The following DERA variants were observed in gnomAD, a reference collection of about 807,000 sequenced individuals.
DERA encodes 2-deoxy-D-ribose 5-phosphate aldolase.
A neutral mutation model predicts 41.1 loss-of-function variants in DERA; 15 were observed. The observed-to-expected ratio is 0.37, with a 90% confidence interval of 0.24 to 0.56. The LOEUF (loss-of-function observed/expected upper bound fraction) is 0.56. DERA is among the 20% of genes least tolerant of loss of function. The probability of loss-of-function intolerance (pLI) is 0.81; values close to 1 mark genes in which losing one functional copy is unlikely to be tolerated. For synonymous variants in DERA, 139 were observed against 137.4 expected, an observed-to-expected ratio of 1.01 and a Z score of -0.08; for missense variants, 396 against 403.4, an observed-to-expected ratio of 0.98 and a Z score of 0.16.
Position 15,983,189 on chromosome 12 carries a change from A to AT in DERA, c.637+762dup, listed in dbSNP as rs553125212. ...ATCTGTTCTCCACACTGTCACCACA[A>AT]TTTTTTTTTAATGCTAATTTTATTA... On this transcript the variant is annotated intron_variant, in intron 6 of 8. Transcript: ENST00000428559. The surrounding 1 kb of genome is among the most constrained non-coding windows in gnomAD (Gnocchi z 6.2). Among the ~76,000 whole-genome samples, 3 of 151,316 alleles carry AT rather than the reference A, an allele frequency of 2.0e-5. No individual in the cohort carries two copies. Among genetic ancestry groups the AT allele is most frequent in the Admixed American group, 6.6e-5 (1 of 15,182 alleles).
At chr12:15,958,987 C>G (rs530759601) in intron 3 of DERA, among the ~76,000 whole-genome samples, 1 of 152,242 alleles carries the variant, frequency 6.6e-6, no homozygotes, top group African/African-American at 2.4e-5. Context: ...TTGTTACTTG[C>G]TGGGCTGGTT....
rs1180276528 is a variant in DERA, at chr12:16,001,922, G to T, written c.637+19486G>T. Among the ~76,000 whole-genome samples, 1 of 152,130 alleles carries T rather than the reference G, an allele frequency of 6.6e-6. No homozygotes were observed. Among genetic ancestry groups the T allele is most frequent in the Non-Finnish European group, 1.5e-5 (1 of 68,022 alleles). ...TTTCAGACAAAATACTGCTTTCTTT[G>T]CCTAATCAAGTAAAGTTAGGATAAT... is the stretch of plus-strand genomic sequence containing the variant. On this transcript the variant is annotated intron_variant, in intron 6 of 8. Coordinates refer to ENST00000428559, the MANE Select transcript of DERA (RefSeq NM_015954.4). This position sits in a 1 kb window ranked among gnomAD's most constrained non-coding sequence, Gnocchi z 4.1.
intron 6 of DERA, among the ~76,000 whole-genome samples, chr12:16,030,092 T>C (rs1565619303): frequency 8.5e-5 from 2 of 23,460 alleles, no homozygotes; most frequent in Non-Finnish European, 2.5e-4. Flanking sequence ...CCGGCTAATT[T>C]TTTTTTTTTT....
intron 6 of DERA, among the ~76,000 whole-genome samples, chr12:16,031,092 C>G (rs1949089470): frequency 6.6e-6 from 1 of 152,134 alleles, no homozygotes; most frequent in South Asian, 2.1e-4. Context: ...TACTATGAAG[C>G]AAGTGGGAAT....
At position 15,942,216 on chromosome 12, in the gene DERA, T is replaced by G. The variant is rs567786867; in HGVS notation, c.32-14720T>G. ...GCCCACTTTTAATGGGATTACTTGT[T>G]TTTTTCTTGCTGATTTGTTTGAGTT... On this transcript the variant is annotated intron_variant, in intron 1 of 8. Transcript: ENST00000428559. 4.6e-5 allele frequency among the ~76,000 whole-genome samples: 7 copies of G among 152,342 alleles called. No homozygotes were observed. In the South Asian group the frequency reaches 1.2e-3, roughly 27 times the overall value.
rs1948730185 is a variant in DERA, at chr12:15,981,163, A to G, written c.509-1145A>G. On this transcript the variant is annotated intron_variant, in intron 5 of 8. Transcript: ENST00000428559. This position sits in a 1 kb window ranked among gnomAD's most constrained non-coding sequence, Gnocchi z 6.1. ...GGAGATCGAGACCATCCTGGTTAAC[A>G]CGGTGAAACCCCGTCTCTACTAAAA... Among the ~76,000 whole-genome samples the G allele has an allele frequency of 6.6e-6, 1 of 152,132 alleles. No homozygotes were observed. The highest frequency in any genetic ancestry group is 1.5e-5 in the Non-Finnish European group (1 of 68,018).
rs1565621415 is a variant in DERA, at chr12:16,036,352, A to G, written c.871A>G (p.Ser291Gly). The G allele has an allele frequency of 6.2e-7, 1 of 1,611,616 alleles. No individual in the cohort carries two copies. Among genetic ancestry groups the G allele is most frequent in the East Asian group, 2.2e-5 (1 of 44,818 alleles). Residue 291 changes from serine (S) to glycine (G), a missense_variant, in exon 8 of 9, where the codon AGT becomes GGT. Transcript: ENST00000428559. The surrounding 1 kb of genome is among the most constrained non-coding windows in gnomAD (Gnocchi z 4.9). Reference sequence around the variant, plus strand: ...GCCAGAACTCTTTCGAATAGGTGCCAGTACTCTGCTCTCGGACATTGAGAG... The same window carrying G: ...GCCAGAACTCTTTCGAATAGGTGCCGGTACTCTGCTCTCGGACATTGAGAG... ...LKPELFRIGA[S>G]TLLSDIERQI...
In DERA at chr12:15,984,265, C is replaced by T. The variant is rs117271807; in HGVS notation, c.637+1829C>T. Among the ~76,000 whole-genome samples the T allele has an allele frequency of 1.3e-5, 2 of 152,244 alleles. No individual in the cohort carries two copies. The highest frequency in any genetic ancestry group is 2.9e-5 in the Non-Finnish European group (2 of 68,014). On this transcript the variant is annotated intron_variant, in intron 6 of 8. Transcript: ENST00000428559. The surrounding 1 kb of genome is among the most constrained non-coding windows in gnomAD (Gnocchi z 4.5). ...TTCTGGGAGGTCAGCCAACCCTGTC[C>T]TACGCACAGCACCTACTACTCATGA...
rs1370485414 is a variant in DERA, at chr12:15,935,063, G to A, written c.32-21873G>A. 6.6e-6 allele frequency among the ~76,000 whole-genome samples: 1 copy of A among 152,174 alleles called. No homozygotes were observed. Among genetic ancestry groups the A allele is most frequent in the Non-Finnish European group, 1.5e-5 (1 of 68,036 alleles). On this transcript the variant is annotated intron_variant, in intron 1 of 8. Transcript: ENST00000428559. The surrounding 1 kb of genome is among the most constrained non-coding windows in gnomAD (Gnocchi z 4.8). ...AGAGCTAACAAAACTCTTTGGAGGA[G>A]AGTTTGGAAAAACAATTGACAGACA...
Position 15,918,836 on chromosome 12 carries a change from G to C in DERA, c.31+7422G>C, listed in dbSNP as rs911031426. ...GTCCAGGGAGGGTTTTTTTGGAGAGGATGTTTCTGACGGAGTAGTTTCTAC... is the reference window on the plus strand; with the variant it reads ...GTCCAGGGAGGGTTTTTTTGGAGAGCATGTTTCTGACGGAGTAGTTTCTAC... On this transcript the variant is annotated intron_variant, in intron 1 of 8. Transcript: ENST00000428559. This position sits in a 1 kb window ranked among gnomAD's most constrained non-coding sequence, Gnocchi z 4.3. Among the ~76,000 whole-genome samples the C allele has an allele frequency of 1.3e-5, 2 of 152,138 alleles. No homozygotes were observed. The highest frequency in any genetic ancestry group is 4.8e-5 in the African/African-American group (2 of 41,444).
At chr12:16,016,391 C>T (rs1948982284) in intron 6 of DERA, among the ~76,000 whole-genome samples, 1 of 152,130 alleles carries the variant, frequency 6.6e-6, no homozygotes, top group Non-Finnish European at 1.5e-5. Flanking sequence ...TAAAAACACC[C>T]TCAGGAGAAC....
rs1433189783 is a variant in DERA at position 15,911,840 on chromosome 12, C to T, written c.31+426C>T. ...CAGTATTTCCGTAGATAATTTTAAC[C>T]GTAACCTTGAAGTGGCCGTGCTCGT... On this transcript the variant is annotated intron_variant, in intron 1 of 8. Transcript: ENST00000428559. The surrounding 1 kb of genome is among the most constrained non-coding windows in gnomAD (Gnocchi z 4.5). The T allele has an allele frequency of 1.3e-5, 6 of 458,822 alleles. No individual in the cohort carries two copies. The highest frequency in any genetic ancestry group is 7.8e-5 in the South Asian group (5 of 63,944). The allele number at this position is 458,822 out of a possible 1,614,324, so 28.4% of individuals were successfully genotyped here. A position where few individuals can be genotyped will look rare whatever the true frequency, so the allele number is the denominator to read the frequency against.
intron 4 of DERA, among the ~76,000 whole-genome samples, chr12:15,960,355 G>A (rs979595994): frequency 6.7e-6 from 1 of 150,360 alleles, no homozygotes; most frequent in Non-Finnish European, 1.5e-5. Context: ...AATGATATGC[G>A]GGCTGGGGAC....
chr12:15,959,755 T>C lies in DERA; in HGVS notation c.278-74T>C, dbSNP rs974043634. 9.8e-7 allele frequency: 1 copy of C among 1,016,068 alleles called. No homozygotes were observed. Among genetic ancestry groups the C allele is most frequent in the East Asian group, 2.7e-5 (1 of 37,546 alleles). 62.9% of individuals were successfully genotyped at this position (1,016,068 alleles called of 1,614,324 possible). On this transcript the variant is annotated intron_variant, in intron 3 of 8. Coordinates refer to ENST00000428559, the MANE Select transcript of DERA (RefSeq NM_015954.4). The surrounding 1 kb of genome is among the most constrained non-coding windows in gnomAD (Gnocchi z 4.5). ...TTTGATTTTTGCCAGTGTTGCGATA[T>C]AAATAATAATTAAAAGCATGTTGTA...
At chr12:15,930,336 G>A (rs528782305) in intron 1 of DERA, among the ~76,000 whole-genome samples, 1 of 152,254 alleles carries the variant, frequency 6.6e-6, no homozygotes. Flanking sequence ...ATACCTTTAT[G>A]CTGATTTTCT....
rs996749783 is a variant in DERA, at chr12:15,988,612, G to A, written c.637+6176G>A. On this transcript the variant is annotated intron_variant, in intron 6 of 8. Coordinates refer to ENST00000428559, the MANE Select transcript of DERA (RefSeq NM_015954.4). This position sits in a 1 kb window ranked among gnomAD's most constrained non-coding sequence, Gnocchi z 6.0. ...GGATGGGCCTGGAAAAAGCACCATC[G>A]GACTGCCTGAATGGTCATCAATGAA... Among the ~76,000 whole-genome samples the A allele has an allele frequency of 3.3e-5, 5 of 152,086 alleles. No individual in the cohort carries two copies. The highest frequency in any genetic ancestry group is 7.4e-5 in the Non-Finnish European group (5 of 68,002).
chr12:15,953,891 A>T (rs1237684050), intron 1 of DERA, among the ~76,000 whole-genome samples: 1 of 152,250 alleles, frequency 6.6e-6, no homozygotes, highest in African/African-American at 2.4e-5. Context: ...CACTTACATA[A>T]TTCATTGCCA....
chr12:15,957,101 A>C lies in DERA; in HGVS notation c.129+68A>C. ...GCATGGTCTCTTCCCTCAAGGCCAC[A>C]ATATTGAATTTCACTCAAGATGCAT... On this transcript the variant is annotated intron_variant, in intron 2 of 8. Coordinates refer to ENST00000428559, the MANE Select transcript of DERA (RefSeq NM_015954.4). This position sits in a 1 kb window ranked among gnomAD's most constrained non-coding sequence, Gnocchi z 4.8. The C allele has an allele frequency of 8.2e-7, 1 of 1,214,722 alleles. No homozygotes were observed. The allele number at this position is 1,214,722 out of a possible 1,614,324, so 75.2% of individuals were successfully genotyped here. A position where few individuals can be genotyped will look rare whatever the true frequency, so the allele number is the denominator to read the frequency against.
Position 15,957,923 on chromosome 12 carries a change from A to G in DERA, c.130-265A>G, listed in dbSNP as rs531937510. On this transcript the variant is annotated intron_variant, in intron 2 of 8. Coordinates refer to ENST00000428559, the MANE Select transcript of DERA (RefSeq NM_015954.4). This position sits in a 1 kb window ranked among gnomAD's most constrained non-coding sequence, Gnocchi z 4.8. Reference sequence around the variant, plus strand: ...GTCAGAAGTGGGGAGACATGGGCTAATAGGGGTTTCAATTTGGGATATCTG... The same window carrying G: ...GTCAGAAGTGGGGAGACATGGGCTAGTAGGGGTTTCAATTTGGGATATCTG... 2.6e-5 allele frequency among the ~76,000 whole-genome samples: 4 copies of G among 152,242 alleles called. No homozygotes were observed. Among genetic ancestry groups the G allele is most frequent in the East Asian group, 3.9e-4 (2 of 5,166 alleles).
Sources: allele counts gnomAD v4.1 joint callset (sites outside exome capture counted in the v4.1 genomes callset), GRCh38; gene constraint gnomAD v4.1.1; non-coding constraint Gnocchi (gnomAD v3.1); transcripts MANE v1.5; gene names NCBI Gene and HGNC (gene_info 2026-07-23, HGNC 2026-07-21).